The following THBS1 variants were observed in gnomAD, a reference collection of about 807,000 sequenced individuals.
THBS1 encodes thrombospondin 1, also known as thrombospondin-1.
A neutral mutation model predicts 126.1 loss-of-function variants in THBS1; 29 were observed. The ratio of observed to expected loss-of-function variants is 0.23; its 90% CI spans 0.17 to 0.31. The LOEUF is 0.31. Among genes scored for constraint, THBS1 ranks in the 10% least tolerant of loss-of-function variants. The pLI, the probability that THBS1 is intolerant of heterozygous loss-of-function variation, is 1.00. For missense variants in THBS1, 1,198 were observed against 1,545.2 expected (o/e 0.78, Z 3.77); for synonymous variants, 496 against 577.8 (o/e 0.86, Z 2.03).
chr15:39,583,934 A>C, intron 4 of THBS1, 54 bp from the exon 5 acceptor site: 2 of 1,596,830 alleles, frequency 1.3e-6, no homozygotes, highest in Non-Finnish European at 1.7e-6. Context: ...TAAGAACTCA[A>C]GAGGCTGGTT....
At chr15:39,595,008 T>C (rs948231963) in intron 21 of THBS1, among the ~76,000 whole-genome samples, 3 of 152,240 alleles carry the variant, frequency 2.0e-5, no homozygotes, top group Non-Finnish European at 2.9e-5. Context: ...CAAGGCCAGA[T>C]ACCTAAAAGA....
chr15:39,582,707 C>G lies in THBS1; in HGVS notation c.582C>G (p.Ile194Met), dbSNP rs75597604. Residue 194 changes from isoleucine (I) to methionine (M), a missense_variant, in exon 3 of 22, where the codon ATC (isoleucine) becomes ATG (methionine). Around this residue, in one of 4 missense-constraint regions of THBS1, gnomAD observed 271 missense variants for 277.0 expected, o/e 0.98. Transcript: ENST00000260356. ...TCTTCACCAGAGACCTGGCCAGCAT[C>G]GCCAGACTCCGCATCGCAAAGGGGG... ...QSVFTRDLAS[I>M]ARLRIAKGGV... 1.2e-6 allele frequency: 2 copies of G among 1,613,154 alleles called. No individual in the cohort carries two copies. Among genetic ancestry groups the G allele is most frequent in the East Asian group, 4.5e-5 (2 of 44,896 alleles).
intron 7 of THBS1, 85 bp downstream of exon 7, chr15:39,585,648 C>A: frequency 4.1e-6 from 5 of 1,234,356 alleles, no homozygotes; most frequent in Non-Finnish European, 5.8e-6. Flanking sequence ...AACACTGGAA[C>A]CCCACCCCCA....
intron 1 of THBS1, among the ~76,000 whole-genome samples, chr15:39,581,519 C>T (rs112133126): frequency 2.0e-5 from 3 of 151,778 alleles, no homozygotes; most frequent in Non-Finnish European, 2.9e-5. Context: ...TGTACTTCCC[C>T]TGCCCTCCCT....
At chr15:39,582,130 C>T in intron 2 of THBS1, 63 bp from the exon 3 acceptor site, 2 of 1,522,602 alleles carry the variant, frequency 1.3e-6, no homozygotes, top group Non-Finnish European at 1.8e-6. Context: ...CCCCTAAGGA[C>T]TCAGCCCCCT....
In THBS1 at chr15:39,594,106, C is replaced by T; in HGVS notation, c.3275C>T (p.Thr1092Ile). 6.2e-7 allele frequency: 1 copy of T among 1,613,752 alleles called. No homozygotes were observed. The highest frequency in any genetic ancestry group is 8.5e-7 in the Non-Finnish European group (1 of 1,179,790). The change falls in exon 20 of 22, where the codon ACC becomes ATC. Residue 1092 changes from threonine (T) to isoleucine (I), a missense_variant. Thr to Ile is a moderately conservative substitution (Grantham distance 89). Around this residue, in one of 4 missense-constraint regions of THBS1, gnomAD observed 255 missense variants for 373.9 expected, o/e 0.68. Coordinates refer to ENST00000260356, the MANE Select transcript of THBS1 (RefSeq NM_003246.4). This position sits in a 1 kb window ranked among gnomAD's most constrained non-coding sequence, Gnocchi z 4.4. ...CTTTTCCTTTTCCTTCAGGTGCGCA[C>T]CCTGTGGCATGACCCTCGTCACATA... ...HTGNTPGQVR[T>I]LWHDPRHIGW...
chr15:39,583,861 C>CGT, intron 4 of THBS1, 127 bp from the exon 5 acceptor site: 1 of 1,233,072 alleles, frequency 8.1e-7, no homozygotes, highest in Non-Finnish European at 1.2e-6. Flanking sequence ...CGTATACACA[C>CGT]GTGCGCATAC....
rs1401266833 is a variant in THBS1 at position 39,593,228 on chromosome 15, G to GT, written c.2995+2dup. 6.2e-7 allele frequency: 1 copy of GT among 1,613,906 alleles called. No homozygotes were observed. The highest frequency in any genetic ancestry group is 8.5e-7 in the Non-Finnish European group (1 of 1,179,786). ...AACTGTGATCCTGGACTCGCTGTAG[G>GT]TGAGTAGCGAGTTCTTAGATCCTAA... is the stretch of plus-strand genomic sequence containing the variant. On this transcript the variant is annotated splice_donor_variant, in intron 18 of 21. Transcript: ENST00000260356. LOFTEE classifies it high-confidence loss of function. The surrounding 1 kb of genome is among the most constrained non-coding windows in gnomAD (Gnocchi z 5.9).
rs759540244 is a variant in THBS1 at position 39,594,056 on chromosome 15, T to C, written c.3268-43T>C. On this transcript the variant is annotated intron_variant, in intron 19 of 21. Coordinates refer to ENST00000260356, the MANE Select transcript of THBS1 (RefSeq NM_003246.4). This position sits in a 1 kb window ranked among gnomAD's most constrained non-coding sequence, Gnocchi z 4.4. ...ATGGAATGAAATAGAAATCTTTACCTGAAGGAGCTGTGTTTCAACCTTTCC... is the reference window on the plus strand; with the variant it reads ...ATGGAATGAAATAGAAATCTTTACCCGAAGGAGCTGTGTTTCAACCTTTCC... The C allele has an allele frequency of 1.2e-5, 19 of 1,565,402 alleles. No homozygotes were observed. Among genetic ancestry groups the C allele is most frequent in the Middle Eastern group, 1.7e-4 (1 of 5,972 alleles).
rs1890500518 is a variant in THBS1, at chr15:39,597,580, T to C, written c.*2211T>C. 6.6e-6 allele frequency: 1 copy of C among 152,204 alleles called. No homozygotes were observed. Among genetic ancestry groups the C allele is most frequent in the African/African-American group, 2.4e-5 (1 of 41,446 alleles). The allele number at this position is 152,204 out of a possible 1,614,324, so 9.4% of individuals were successfully genotyped here. A position where few individuals can be genotyped will look rare whatever the true frequency, so the allele number is the denominator to read the frequency against. ...TACAAAAATAAATTACAGTAAGTCA[T>C]AGCAACATTCACAGTTTGTATGTGA... is the stretch of plus-strand genomic sequence containing the variant. On this transcript the variant is annotated 3_prime_UTR_variant, in exon 22 of 22. Transcript: ENST00000260356.
rs1188432129 is a variant in THBS1 at position 39,593,772 on chromosome 15, T to C, written c.3267+104T>C. On this transcript the variant is annotated intron_variant, in intron 19 of 21. Coordinates refer to ENST00000260356, the MANE Select transcript of THBS1 (RefSeq NM_003246.4). This position sits in a 1 kb window ranked among gnomAD's most constrained non-coding sequence, Gnocchi z 5.9. Reference sequence around the variant, plus strand: ...ACTCTGACCAGGGAGTCTTAGAAAGTTCCCAGCATCACCAGCTGCAGCATT... The same window carrying C: ...ACTCTGACCAGGGAGTCTTAGAAAGCTCCCAGCATCACCAGCTGCAGCATT... The C allele has an allele frequency of 2.0e-6, 3 of 1,476,602 alleles. No individual in the cohort carries two copies. Among genetic ancestry groups the C allele is most frequent in the Admixed American group, 2.2e-5 (1 of 45,838 alleles). 91.5% of individuals were successfully genotyped at this position (1,476,602 alleles called of 1,614,324 possible). A position where few individuals can be genotyped will look rare whatever the true frequency, so the allele number is the denominator to read the frequency against.
chr15:39,590,017 C>A lies in THBS1; in HGVS notation c.2139C>A (p.Cys713Ter). 6.3e-7 allele frequency: 1 copy of A among 1,596,278 alleles called. No homozygotes were observed. Among genetic ancestry groups the A allele is most frequent in the Admixed American group, 1.7e-5 (1 of 57,166 alleles). ...GCGTGGCCAATGCGACTTACCACTG[C>A]AAAAAGGTAGAGCCAGGTCCTTTGT... ...LVCVANATYHCKKDNCPNLPN... is the reference protein window; with the variant it reads ...LVCVANATYH The change falls in exon 13 of 22, where the codon TGC becomes TGA. Residue 713 changes from cysteine to a stop codon, truncating the protein, a stop_gained. Transcript: ENST00000260356. LOFTEE classifies it high-confidence loss of function.
rs1014719530 is a variant in THBS1, at chr15:39,588,236, T to C, written c.1471+18T>C. ...CTGCCCCAGTAAGTGTGAGGTCCGCTGCAAGGGTGAGCATGGGCAGCAGCT... is the reference window on the plus strand; with the variant it reads ...CTGCCCCAGTAAGTGTGAGGTCCGCCGCAAGGGTGAGCATGGGCAGCAGCT... On this transcript the variant is annotated intron_variant, in intron 9 of 21. Coordinates refer to ENST00000260356, the MANE Select transcript of THBS1 (RefSeq NM_003246.4). 1 of 1,609,992 alleles carries C rather than the reference T, an allele frequency of 6.2e-7. No individual in the cohort carries two copies. The highest frequency in any genetic ancestry group is 8.5e-7 in the Non-Finnish European group (1 of 1,178,892).
At chr15:39,591,786 T>A (rs1009840819) in intron 16 of THBS1, among the ~76,000 whole-genome samples, 163 bp downstream of exon 16, 4 of 152,252 alleles carry the variant, frequency 2.6e-5, no homozygotes, top group Non-Finnish European at 5.9e-5. Context: ...ATTTGCCTGA[T>A]GTGAGCTCCT....
At chr15:39,582,165 T>C (rs1295345250) in intron 2 of THBS1, 28 bp from the exon 3 acceptor site, 6 of 1,556,984 alleles carry the variant, frequency 3.9e-6, no homozygotes, top group Non-Finnish European at 5.2e-6. Flanking sequence ...CCTAGAAAGC[T>C]CACTTTGTGT....
In THBS1 at chr15:39,596,777, A is replaced by AC. The variant is rs1281095601; in HGVS notation, c.*1412dup. 6.6e-6 allele frequency: 1 copy of AC among 152,186 alleles called. No individual in the cohort carries two copies. The highest frequency in any genetic ancestry group is 1.5e-5 in the Non-Finnish European group (1 of 68,020). The allele number at this position is 152,186 out of a possible 1,614,324, so 9.4% of individuals were successfully genotyped here. A position where few individuals can be genotyped will look rare whatever the true frequency, so the allele number is the denominator to read the frequency against. ...GCCATGAGGTCTTCAATACTGTTTT[A>AC]CCCCATCCCTTGTGCATATTTCCAG... On this transcript the variant is annotated 3_prime_UTR_variant, in exon 22 of 22. Transcript: ENST00000260356.
Position 39,588,170 on chromosome 15 carries a change from G to A in THBS1, c.1423G>A (p.Glu475Lys), listed in dbSNP as rs1890244979. ...CCCCCAGATGAACGGGAAACCCTGT[G>A]AAGGCGAAGCGCGGGAGACCAAAGC... Reference protein sequence around the residue: ...PSPQMNGKPCEGEARETKACK... With the variant: ...PSPQMNGKPCKGEARETKACK... The change falls in exon 9 of 22, where the codon GAA (glutamate) becomes AAA (lysine). Residue 475 changes from glutamate to lysine, a missense_variant. By Grantham distance (56) the Glu-to-Lys change is moderately conservative. Around this residue, in one of 4 missense-constraint regions of THBS1, gnomAD observed 663 missense variants for 860.1 expected, o/e 0.77. Coordinates refer to ENST00000260356, the MANE Select transcript of THBS1 (RefSeq NM_003246.4). 2 of 1,614,094 alleles carry A rather than the reference G, an allele frequency of 1.2e-6. No homozygotes were observed. Among genetic ancestry groups the A allele is most frequent in the African/African-American group, 2.7e-5 (2 of 74,936 alleles).
In THBS1 at chr15:39,589,783, CA is replaced by C. The variant is rs1257318273; in HGVS notation, c.1927-21del. On this transcript the variant is annotated intron_variant, in intron 12 of 21. Coordinates refer to ENST00000260356, the MANE Select transcript of THBS1 (RefSeq NM_003246.4). The surrounding 1 kb of genome is among the most constrained non-coding windows in gnomAD (Gnocchi z 4.7). The stretch of plus-strand genomic sequence containing the variant: ...GAGGATTCTCAAAAGCTCTGTGTAA[CA>C]GCAGCATGGTGTACCCTCAGGTGTG... 1.3e-6 allele frequency: 2 copies of C among 1,574,036 alleles called. No individual in the cohort carries two copies. The highest frequency in any genetic ancestry group is 1.7e-6 in the Non-Finnish European group (2 of 1,159,996).
chr15:39,588,294 G>T, intron 9 of THBS1, 76 bp downstream of exon 9: 5 of 1,527,358 alleles, frequency 3.3e-6, no homozygotes, highest in Non-Finnish European at 4.4e-6. Context: ...TCTGCAGCCT[G>T]CAGTTCAGTG....
Sources: allele counts gnomAD v4.1 joint callset (sites outside exome capture counted in the v4.1 genomes callset), GRCh38; gene constraint gnomAD v4.1.1; regional missense constraint gnomAD v4.1.1; non-coding constraint Gnocchi (gnomAD v3.1); transcripts MANE v1.5; gene names NCBI Gene and HGNC (gene_info 2026-07-23, HGNC 2026-07-21).